KEL: variants seen among roughly 807,000 people sequenced by gnomAD.
KEL encodes the protein Kell metallo-endopeptidase (Kell blood group), also known as kell blood group glycoprotein.
Under a neutral mutation model 99.5 loss-of-function variants are expected in KEL, and 96 were observed. The observed-to-expected ratio is 0.97, with a 90% confidence interval of 0.82 to 1.14. KEL has a LOEUF of 1.14. Ranked by LOEUF, KEL falls within the 50% of genes most tolerant of loss-of-function variation. The pLI is 0.00. For synonymous variants in KEL, 355 were observed against 354.8 expected (o/e 1.00, Z -0.01); for missense variants, 926 against 924.2 (o/e 1.00, Z -0.03).
rs769151837 is a variant in KEL, at chr7:142,942,488, G to A, written c.1983C>T (p.Val661=). The change falls in exon 18 of 19, where the codon GTC becomes GTT. Residue 661 remains valine, a synonymous_variant. Transcript: ENST00000355265. ...KRLLRHHGET[V]LPSLDLSPQQ... ...GGGGGCTGAGGTCCAGGCTGGGCAG[G>A]ACAGTCTCCCCATGGTGCCGTAACA... 1 of 1,610,492 alleles carries A rather than the reference G, an allele frequency of 6.2e-7. No homozygotes were observed. The highest frequency in any genetic ancestry group is 1.1e-5 in the South Asian group (1 of 89,854).
At chr7:142,953,275 C>A (rs192097434) in intron 9 of KEL, 1 of 838,362 alleles carries the variant, frequency 1.2e-6, no homozygotes, top group African/African-American at 1.8e-5. Context: ...CTGACACCAG[C>A]AGAAATGCTC....
intron 9 of KEL, chr7:142,953,350 C>A (rs1305092889): frequency 2.1e-5 from 21 of 984,738 alleles, no homozygotes; most frequent in Non-Finnish European, 2.5e-5. Flanking sequence ...GGCCCCTCCT[C>A]TTCCTTTCTT....
At chr7:142,942,349 C>T in intron 18 of KEL, 85 bp downstream of exon 18, 1 of 899,640 alleles carries the variant, frequency 1.1e-6, no homozygotes, top group African/African-American at 1.6e-5. Flanking sequence ...GACGGAGTGT[C>T]TGAAGAGGGG....
chr7:142,943,232 TA>T, intron 16 of KEL, 43 bp downstream of exon 16: 1 of 1,606,172 alleles, frequency 6.2e-7, no homozygotes, highest in Middle Eastern at 1.7e-4. Context: ...GGTCTTCCCT[TA>T]GGTTCCCTAT....
chr7:142,961,160 C>T (rs1796947192), intron 3 of KEL, 56 bp from the exon 4 acceptor site: 6 of 1,597,178 alleles, frequency 3.8e-6, no homozygotes, highest in Admixed American at 1.7e-5. Flanking sequence ...AGGGCTCCCC[C>T]AAGGGGCTAG....
chr7:142,943,749 G>A (rs1796434198), intron 14 of KEL, 34 bp downstream of exon 14: 1 of 1,583,804 alleles, frequency 6.3e-7, no homozygotes, highest in Non-Finnish European at 8.7e-7. Flanking sequence ...GGTCTCTCTG[G>A]GATGGAGTGC....
intron 6 of KEL, among the ~76,000 whole-genome samples, chr7:142,957,154 T>C (rs952853221): frequency 1.6e-4 from 24 of 152,178 alleles, no homozygotes; most frequent in African/African-American, 5.3e-4. Flanking sequence ...AACTAGGGTG[T>C]CGGTGAAGAC....
intron 10 of KEL, among the ~76,000 whole-genome samples, chr7:142,951,130 C>T (rs1796676443): frequency 6.6e-6 from 1 of 152,182 alleles, no homozygotes; most frequent in African/African-American, 2.4e-5. Flanking sequence ...TATTTGTTGG[C>T]AGAGATTAGT....
intron 11 of KEL, 163 bp from the exon 12 acceptor site, chr7:142,944,904 G>A (rs1796482489): frequency 1.5e-6 from 1 of 676,134 alleles, no homozygotes; most frequent in South Asian, 1.6e-5. Context: ...TAAAGGATCT[G>A]TGGAGAAAGG....
In KEL at chr7:142,943,936, C is replaced by T. The variant is rs114519748; in HGVS notation, c.1492-53G>A. ...GCACACAGAGACTTCTATAGATGCA[C>T]GCTGACAAACACCAATGGGACCATT... On this transcript the variant is annotated intron_variant, in intron 13 of 18. Transcript: ENST00000355265. 857 of 1,415,168 alleles carry T rather than the reference C, an allele frequency of 6.1e-4. 7 individuals are homozygous for T. The East Asian group carries it at 7.5e-3, about 12-fold the overall frequency. 87.7% of individuals were successfully genotyped at this position (1,415,168 alleles called of 1,614,324 possible).
chr7:142,957,848 A>G lies in KEL; in HGVS notation c.651T>C (p.Ser217=). 1.9e-6 allele frequency: 3 copies of G among 1,614,124 alleles called. No individual in the cohort carries two copies. Among genetic ancestry groups the G allele is most frequent in the Non-Finnish European group, 2.5e-6 (3 of 1,180,020 alleles). The part of the protein sequence containing the change: ...FRAYLGPHPA[S]PHTPVIQIDQ... ...TCACCTGGATGACTGGTGTGTGTGG[A>G]GAGGCAGGATGAGGTCCTAGGTAGG... Residue 217 remains serine (S), a synonymous_variant, in exon 6 of 19, where the codon TCT becomes TCC. Coordinates refer to ENST00000355265, the MANE Select transcript of KEL (RefSeq NM_000420.3).
Position 142,943,004 on chromosome 7 carries a change from G to A in KEL, c.1812C>T (p.Leu604=), listed in dbSNP as rs749378396. The change falls in exon 17 of 19, where the codon CTC becomes CTT. Residue 604 remains leucine (L), a synonymous_variant. Transcript: ENST00000355265. ...GCTTCAGGCACAGGTGAGCTTCCTG[G>A]AGGGCATGGTTGTCACAGGCGAGGC... ...GGCLACDNHA[L]QEAHLCLKRH... The A allele has an allele frequency of 2.5e-6, 4 of 1,614,072 alleles. No homozygotes were observed. In the South Asian group the frequency reaches 3.3e-5, roughly 13 times the overall value.
chr7:142,961,311 A>T (rs1255012051), intron 3 of KEL, 49 bp downstream of exon 3: 4 of 1,611,666 alleles, frequency 2.5e-6, no homozygotes, highest in Non-Finnish European at 2.5e-6. Context: ...CCTGGGCCCC[A>T]GGGCTGGGGG....
At chr7:142,947,531 G>A (rs1396488887) in intron 10 of KEL, among the ~76,000 whole-genome samples, 1 of 152,118 alleles carries the variant, frequency 6.6e-6, no homozygotes, top group South Asian at 2.1e-4. Flanking sequence ...TGAACCTTGA[G>A]GTCTGCTAAC....
At chr7:142,957,449 G>C (rs1428899256) in intron 6 of KEL, among the ~76,000 whole-genome samples, 1 of 152,162 alleles carries the variant, frequency 6.6e-6, no homozygotes, top group Non-Finnish European at 1.5e-5. Context: ...TCACTGACAA[G>C]CATTTAAATA....
rs1378369328 is a variant in KEL at position 142,941,301 on chromosome 7, C to T, written c.2150G>A (p.Cys717Tyr). Residue 717 changes from cysteine to tyrosine, a missense_variant, in exon 19 of 19, where the codon TGT becomes TAT. Cys to Tyr is a radical substitution (Grantham distance 194). Coordinates refer to ENST00000355265, the MANE Select transcript of KEL (RefSeq NM_000420.3). ...STPAFARYFR[C>Y]ARGALLNPSS... ...GGGGTTCAAGAGAGCACCACGTGCA[C>T]AGCGGAAATACCTGGCAAAGGCTGG... is the stretch of plus-strand genomic sequence containing the variant. 1 of 1,614,094 alleles carries T rather than the reference C, an allele frequency of 6.2e-7. No homozygotes were observed. Among genetic ancestry groups the T allele is most frequent in the South Asian group, 1.1e-5 (1 of 91,074 alleles).
chr7:142,943,313 G>C lies in KEL; in HGVS notation c.1734C>G (p.Ile578Met). The change falls in exon 16 of 19, where the codon ATC becomes ATG. Residue 578 changes from isoleucine to methionine, a missense_variant. Coordinates refer to ENST00000355265, the MANE Select transcript of KEL (RefSeq NM_000420.3). ...AGATGTGCAACAGCTCGTGGGCCAT[G>C]ATGCTGCCAGCAGCGCCAAAGTTCA... ...RAVNFGAAGS[I>M]MAHELLHIFY... The C allele has an allele frequency of 6.2e-7, 1 of 1,614,124 alleles. No homozygotes were observed. Among genetic ancestry groups the C allele is most frequent in the Non-Finnish European group, 8.5e-7 (1 of 1,180,000 alleles).
rs767072550 is a variant in KEL at position 142,941,281 on chromosome 7, T to C, written c.2170A>G (p.Asn724Asp). The C allele has an allele frequency of 2.5e-6, 4 of 1,614,076 alleles. No homozygotes were observed. The highest frequency in any genetic ancestry group is 2.5e-6 in the Non-Finnish European group (3 of 1,180,012). The change falls in exon 19 of 19, where the codon AAC (asparagine) becomes GAC (aspartate). Residue 724 changes from asparagine (N) to aspartate (D), a missense_variant. Coordinates refer to ENST00000355265, the MANE Select transcript of KEL (RefSeq NM_000420.3). ...CAGAGCTGGCAGCGGCTGGAGGGGT[T>C]CAAGAGAGCACCACGTGCACAGCGG... ...YFRCARGALL[N>D]PSSRCQLW
At chr7:142,959,992 G>A (rs757475536) in intron 4 of KEL, among the ~76,000 whole-genome samples, 1 of 152,110 alleles carries the variant, frequency 6.6e-6, no homozygotes, top group Non-Finnish European at 1.5e-5. Flanking sequence ...TATCTTATAT[G>A]TTCTTATTCC....
Sources: gnomAD v4.1 joint callset for allele counts (sites outside exome capture counted in the v4.1 genomes callset) on GRCh38, gnomAD v4.1.1 for gene constraint, MANE v1.5 for transcripts, NCBI Gene and HGNC (gene_info 2026-07-23, HGNC 2026-07-21) for gene names.